The following LINGO2 variants were observed in gnomAD, a reference collection of about 807,000 sequenced individuals.
LINGO2 encodes leucine-rich repeat and immunoglobulin-like domain-containing nogo receptor-interacting protein 2.
Under a neutral mutation model 30.6 loss-of-function variants are expected in LINGO2, and 14 were observed. That is an observed-to-expected ratio of 0.46 (90% CI 0.30 to 0.72). The LOEUF (loss-of-function observed/expected upper bound fraction) is 0.72. Ranked by LOEUF, LINGO2 falls within the 30% of genes least tolerant of loss-of-function variation. The pLI, the probability that LINGO2 is intolerant of heterozygous loss-of-function variation, is 0.07. For missense variants in LINGO2, 729 were observed against 751.7 expected, an observed-to-expected ratio of 0.97 and a Z score of 0.35; for synonymous variants, 317 against 288.5, an observed-to-expected ratio of 1.10 and a Z score of -1.00.
chr9:28,087,158 C>G (rs1227636589), intron 4 of LINGO2, among the ~76,000 whole-genome samples: 1 of 152,058 alleles, frequency 6.6e-6, no homozygotes, highest in Non-Finnish European at 1.5e-5. Flanking sequence ...CAGTTAGCTC[C>G]TAGTCCACTT....
chr9:28,193,805 GGAAACAATCA>G (rs1347085664), intron 4 of LINGO2, among the ~76,000 whole-genome samples: 1 of 152,090 alleles, frequency 6.6e-6, no homozygotes, highest in Non-Finnish European at 1.5e-5. Context: ...AGGCTGCAGT[GGAAACAATCA>G]GAGACTGGAG....
intron 1 of LINGO2, among the ~76,000 whole-genome samples, chr9:28,647,880 T>G (rs902416938): frequency 8.9e-6 from 1 of 112,274 alleles, no homozygotes; most frequent in African/African-American, 4.6e-5. Flanking sequence ...ATGATATTTC[T>G]TTTTCTTTCT....
At chr9:28,288,934 A>G (rs1479462648) in intron 4 of LINGO2, among the ~76,000 whole-genome samples, 1 of 152,226 alleles carries the variant, frequency 6.6e-6, no homozygotes. Flanking sequence ...ATGTTTTCAG[A>G]GATCTCATCT....
intron 4 of LINGO2, among the ~76,000 whole-genome samples, chr9:28,160,838 A>T (rs1344841463): frequency 6.6e-6 from 1 of 152,096 alleles, no homozygotes; most frequent in Non-Finnish European, 1.5e-5. Context: ...TTGGCTCCAT[A>T]TCTCAATTTA....
At chr9:28,295,120 A>C (rs1454513354) in intron 4 of LINGO2, 88 bp downstream of exon 6, 2 of 152,298 alleles carry the variant, frequency 1.3e-5, no homozygotes, top group Non-Finnish European at 2.9e-5. Flanking sequence ...AACAAATAGA[A>C]AAGCTATACA....
chr9:28,149,049 T>C, intron 4 of LINGO2: 1 of 1,534,590 alleles, frequency 6.5e-7, no homozygotes, highest in Non-Finnish European at 8.7e-7. Flanking sequence ...CCGGCTAAGC[T>C]TCCATGTCTA....
At chr9:29,078,670 A>C in the LINGO2 span, among the ~76,000 whole-genome samples, 1 of 151,982 alleles carries the variant, frequency 6.6e-6, no homozygotes, top group East Asian at 1.9e-4. Flanking sequence ...ATGCCAACCA[A>C]GTGCTTGTCA....
At chr9:28,385,204 T>A (rs144144195) in intron 2 of LINGO2, among the ~76,000 whole-genome samples, 1 of 152,264 alleles carries the variant, frequency 6.6e-6, no homozygotes, top group African/African-American at 2.4e-5. Flanking sequence ...TTCCTTTCAT[T>A]CTTTTAAAGA....
the LINGO2 span, among the ~76,000 whole-genome samples, chr9:28,705,167 T>G: frequency 3.9e-5 from 6 of 152,208 alleles, no homozygotes; most frequent in East Asian, 1.2e-3. Flanking sequence ...TCCACCCGTC[T>G]CAGCCTCCCA....
the LINGO2 span, among the ~76,000 whole-genome samples, chr9:28,980,899 C>G: frequency 6.6e-6 from 1 of 152,012 alleles, no homozygotes; most frequent in Non-Finnish European, 1.5e-5. Flanking sequence ...GTTCTGATAA[C>G]TGTTGTACCA....
chr9:29,159,931 C>G, the LINGO2 span, among the ~76,000 whole-genome samples: 4 of 151,998 alleles, frequency 2.6e-5, no homozygotes, highest in Admixed American at 2.6e-4. Flanking sequence ...TACTATTACT[C>G]TCCTTTTAAA....
At chr9:28,663,080 A>G (rs1828641806) in intron 1 of LINGO2, among the ~76,000 whole-genome samples, 1 of 151,782 alleles carries the variant, frequency 6.6e-6, no homozygotes, top group Non-Finnish European at 1.5e-5. Context: ...TAACTGTCAG[A>G]CCAAAAAAAG....
the LINGO2 span, among the ~76,000 whole-genome samples, chr9:28,870,010 CA>C: frequency 6.6e-6 from 1 of 151,714 alleles, no homozygotes; most frequent in South Asian, 2.1e-4. Flanking sequence ...AAGCTAAAAA[CA>C]CTTCAGAATC....
chr9:28,686,944 T>G, the LINGO2 span, among the ~76,000 whole-genome samples: 3 of 152,184 alleles, frequency 2.0e-5, no homozygotes, highest in Admixed American at 2.0e-4. Flanking sequence ...TTTCAAATTC[T>G]GTGTCACACC....
chr9:28,031,669 G>C (rs978354617), intron 4 of LINGO2, among the ~76,000 whole-genome samples: 1 of 152,142 alleles, frequency 6.6e-6, no homozygotes, highest in African/African-American at 2.4e-5. Context: ...AGATAATTAT[G>C]ATCTGCTCTG....
the LINGO2 span, among the ~76,000 whole-genome samples, chr9:29,210,921 G>T: frequency 6.6e-6 from 1 of 151,986 alleles, no homozygotes; most frequent in Non-Finnish European, 1.5e-5. Flanking sequence ...ACTGGGTGAT[G>T]GTGACAGAAC....
the LINGO2 span, among the ~76,000 whole-genome samples, chr9:28,847,841 TAC>T: frequency 4.3e-5 from 5 of 115,488 alleles, no homozygotes; most frequent in Non-Finnish European, 7.0e-5. Context: ...ATAGTATATA[TAC>T]ACATATATGT....
chr9:29,168,338 T>C, the LINGO2 span, among the ~76,000 whole-genome samples: 89 of 152,280 alleles, frequency 5.8e-4, 2 homozygotes, highest in Admixed American at 5.8e-3. Context: ...CCCTATTTGT[T>C]AGCCATTGTC....
the LINGO2 span, among the ~76,000 whole-genome samples, chr9:29,171,321 T>C: frequency 6.6e-6 from 1 of 152,206 alleles, no homozygotes; most frequent in East Asian, 1.9e-4. Flanking sequence ...TCTCTGAGAA[T>C]AAGCCTCACA....
Sources: gnomAD v4.1 joint callset for allele counts (sites outside exome capture counted in the v4.1 genomes callset) on GRCh38, gnomAD v4.1.1 for gene constraint, MANE v1.5 for transcripts, NCBI Gene and HGNC (gene_info 2026-07-23, HGNC 2026-07-21) for gene names.